Variants in LRRTM4 observed in about 807,000 individuals in gnomAD.
LRRTM4 encodes leucine-rich repeat transmembrane neuronal protein 4.
LRRTM4 carries 25 observed loss-of-function variants against 47.6 expected under a neutral mutation model. The observed-to-expected ratio is 0.53, with a 90% CI of 0.38 to 0.73. LRRTM4 has a LOEUF of 0.73. LRRTM4 is among the 30% of genes least tolerant of loss of function. LRRTM4 has a pLI of 0.00. For missense variants in LRRTM4, 638 were observed against 713.4 expected (o/e 0.89, Z 1.20); for synonymous variants, 311 against 269.5 (o/e 1.15, Z -1.51).
At chr2:76,871,258 G>A (rs2104053549) in intron 3 of LRRTM4, among the ~76,000 whole-genome samples, 1 of 152,244 alleles carries the variant, frequency 6.6e-6, no homozygotes, top group Admixed American at 6.5e-5. Flanking sequence ...TGCTGTGTCT[G>A]ATGTATATTA....
In LRRTM4 at chr2:76,989,700, A is replaced by T. The variant is rs184329054; in HGVS notation, c.1552-240784T>A. ...CAGTGTGTTATTGTTACATTTAAAAAATCTATACCAGTCATATTAAAGCTT... is the reference window on the plus strand; with the variant it reads ...CAGTGTGTTATTGTTACATTTAAAATATCTATACCAGTCATATTAAAGCTT... On this transcript the variant is annotated intron_variant, in intron 3 of 3. Transcript: ENST00000409884. 1.1e-3 allele frequency: 158 copies of T among 149,210 alleles called. 1 individual carries two copies. The highest frequency in any genetic ancestry group is 3.8e-3 in the African/African-American group (153 of 40,272). The allele number at this position is 149,210 out of a possible 1,614,324, so 9.2% of individuals were successfully genotyped here.
chr2:76,974,408 T>C (rs1234753581), intron 3 of LRRTM4, among the ~76,000 whole-genome samples: 1 of 150,652 alleles, frequency 6.6e-6, no homozygotes, highest in Non-Finnish European at 1.5e-5. Flanking sequence ...CACTAAAAGG[T>C]TTGAAACTAT....
intron 3 of LRRTM4, among the ~76,000 whole-genome samples, chr2:77,052,486 A>G (rs1283484182): frequency 6.6e-6 from 1 of 151,934 alleles, no homozygotes; most frequent in East Asian, 1.9e-4. Context: ...CCCTTTTCAT[A>G]AAAGAGATAA....
chr2:77,100,190 CCAT>C (rs1670916415), intron 3 of LRRTM4, among the ~76,000 whole-genome samples: 1 of 152,048 alleles, frequency 6.6e-6, no homozygotes, highest in Non-Finnish European at 1.5e-5. Flanking sequence ...GAGAGAGTAT[CCAT>C]CATTTTTTCA....
At chr2:77,253,197 A>G (rs1342417211) in intron 3 of LRRTM4, among the ~76,000 whole-genome samples, 1 of 152,176 alleles carries the variant, frequency 6.6e-6, no homozygotes, top group East Asian at 1.9e-4. Flanking sequence ...TAAAAAATAT[A>G]AATAAATAAA....
intron 3 of LRRTM4, among the ~76,000 whole-genome samples, chr2:77,465,974 T>A (rs1244999608): frequency 6.6e-6 from 1 of 150,898 alleles, no homozygotes; most frequent in Non-Finnish European, 1.5e-5. Context: ...CCTTTGCACT[T>A]CTGTTTTGCT....
intron 3 of LRRTM4, among the ~76,000 whole-genome samples, chr2:76,846,524 T>G (rs966887979): frequency 2.0e-5 from 3 of 152,180 alleles, no homozygotes; most frequent in Non-Finnish European, 2.9e-5. Context: ...TCTACCCAAG[T>G]ATCATCTAGC....
intron 3 of LRRTM4, among the ~76,000 whole-genome samples, chr2:77,325,622 T>C (rs1670739358): frequency 6.6e-6 from 1 of 152,212 alleles, no homozygotes; most frequent in Non-Finnish European, 1.5e-5. Context: ...AATTCCTCTC[T>C]AAGGGCCCTT....
chr2:77,225,469 C>A (rs1290955784), intron 3 of LRRTM4, among the ~76,000 whole-genome samples: 1 of 151,096 alleles, frequency 6.6e-6, no homozygotes, highest in Non-Finnish European at 1.5e-5. Flanking sequence ...TGCGGTGTGC[C>A]CAGCACTCAA....
intron 3 of LRRTM4, among the ~76,000 whole-genome samples, chr2:76,824,043 G>C (rs1201826014): frequency 6.6e-6 from 1 of 151,498 alleles, no homozygotes; most frequent in Non-Finnish European, 1.5e-5. Context: ...ACATCCACCT[G>C]GGTAATCTGA....
intron 3 of LRRTM4, chr2:77,008,938 G>GAAAAAAAAAAAA (rs1346602340): frequency 2.4e-5 from 2 of 81,930 alleles, no homozygotes; most frequent in Non-Finnish European, 2.3e-5. Context: ...GAGCCAACAA[G>GAAAAAAAAAAAA]AAAAAAAAGA....
intron 3 of LRRTM4, among the ~76,000 whole-genome samples, chr2:77,374,827 A>G (rs918252987): frequency 6.6e-6 from 1 of 151,762 alleles, no homozygotes; most frequent in African/African-American, 2.4e-5. Flanking sequence ...TCCAAAAGTC[A>G]TCTTAAAGTG....
rs1680199301 is a variant in LRRTM4 at position 77,072,799 on chromosome 2, C to CTA, written c.1552-323884_1552-323883insTA. Among the ~76,000 whole-genome samples, 14 of 23,408 alleles carry CTA rather than the reference C, an allele frequency of 6.0e-4. 1 individual carries two copies. The highest frequency in any genetic ancestry group is 5.4e-3 in the Admixed American group (14 of 2,600). The allele number at this position is 23,408 out of a possible 152,430, so 15.4% of individuals were successfully genotyped here. A position where few individuals can be genotyped will look rare whatever the true frequency, so the allele number is the denominator to read the frequency against. On this transcript the variant is annotated intron_variant, in intron 3 of 3. Transcript: ENST00000409884. ...GGGCGACAGAGTGAGACTCCGTCTT[C>CTA]CAAAAAAAAAAAAAAAAAAAAAAAC...
intron 3 of LRRTM4, among the ~76,000 whole-genome samples, chr2:77,138,370 C>G (rs1052576476): frequency 2.0e-5 from 3 of 152,154 alleles, no homozygotes; most frequent in Non-Finnish European, 2.9e-5. Flanking sequence ...TCCTGAATGA[C>G]TACTGGGTAC....
rs879112183 is a variant in LRRTM4, at chr2:77,289,615, T to C, written c.1551+228703A>G. Among the ~76,000 whole-genome samples, 3 of 151,820 alleles carry C rather than the reference T, an allele frequency of 2.0e-5. No individual in the cohort carries two copies. In the Admixed American group the frequency reaches 2.0e-4, roughly 10 times the overall value. On this transcript the variant is annotated intron_variant, in intron 3 of 3. Coordinates refer to ENST00000409884, the MANE Select transcript of LRRTM4 (RefSeq NM_001134745.3). ...TTTTTTTAGAAATGGTTATTTGGAG[T>C]GCAAGTTAGGTTACTACCGACAATT...
chr2:77,079,072 T>C (rs1680442738), intron 3 of LRRTM4, among the ~76,000 whole-genome samples: 1 of 152,154 alleles, frequency 6.6e-6, no homozygotes, highest in South Asian at 2.1e-4. Context: ...TCTAATACCA[T>C]CACATTGAGG....
chr2:77,315,400 T>C (rs1318133820), intron 3 of LRRTM4, among the ~76,000 whole-genome samples: 2 of 152,206 alleles, frequency 1.3e-5, no homozygotes, highest in African/African-American at 4.8e-5. Context: ...TCATATAACA[T>C]ACATAACTAG....
intron 3 of LRRTM4, among the ~76,000 whole-genome samples, chr2:77,145,800 T>TAAATAAATAAATAAA (rs1553398065): frequency 6.6e-6 from 1 of 150,768 alleles, no homozygotes; most frequent in African/African-American, 2.4e-5. Context: ...AATAAATAAA[T>TAAATAAATAAATAAA]AAATAAAATA....
intron 3 of LRRTM4, among the ~76,000 whole-genome samples, chr2:77,352,858 A>AT (rs1446304861): frequency 6.6e-6 from 1 of 152,136 alleles, no homozygotes; most frequent in Non-Finnish European, 1.5e-5. Flanking sequence ...CCTATTCAAG[A>AT]TTTTTAGCAA....
Sources: allele counts gnomAD v4.1 joint callset (sites outside exome capture counted in the v4.1 genomes callset), GRCh38; gene constraint gnomAD v4.1.1; transcripts MANE v1.5; gene names NCBI Gene and HGNC (gene_info 2026-07-23, HGNC 2026-07-21).